Variants in ABTB3 observed in about 807,000 individuals in gnomAD.
ABTB3 encodes the protein ankyrin repeat- and BTB/POZ domain-containing protein 3.
the ABTB3 span, chr12:107,319,364 C>T: frequency 1.3e-6 from 2 of 1,567,486 alleles, no homozygotes. Context: ...GGCGCTGGTG[C>T]GCATAGCCAA....
At chr12:107,478,872 C>T in the ABTB3 span, among the ~76,000 whole-genome samples, 1 of 152,094 alleles carries the variant, frequency 6.6e-6, no homozygotes, top group African/African-American at 2.4e-5. Flanking sequence ...CCATTAGCTT[C>T]TGGGTTTGTC....
the ABTB3 span, among the ~76,000 whole-genome samples, chr12:107,644,419 C>T: frequency 6.6e-6 from 1 of 152,120 alleles, no homozygotes; most frequent in African/African-American, 2.4e-5. Flanking sequence ...TGCGGTCTCC[C>T]CCACCTTCTC....
chr12:107,340,544 T>C, the ABTB3 span, among the ~76,000 whole-genome samples: 1 of 152,184 alleles, frequency 6.6e-6, no homozygotes, highest in East Asian at 1.9e-4. Flanking sequence ...GATATTTGTG[T>C]TCAGAATCTG....
At chr12:107,510,788 G>T in the ABTB3 span, among the ~76,000 whole-genome samples, 2 of 152,106 alleles carry the variant, frequency 1.3e-5, no homozygotes, top group Non-Finnish European at 2.9e-5. Context: ...TGGATGTGGT[G>T]GTGTGCACCT....
At chr12:107,496,271 G>C in the ABTB3 span, among the ~76,000 whole-genome samples, 1 of 152,064 alleles carries the variant, frequency 6.6e-6, no homozygotes, top group Non-Finnish European at 1.5e-5. Flanking sequence ...ACTCCCACCA[G>C]GTGTGCATCC....
At chr12:107,583,466 G>C in the ABTB3 span, among the ~76,000 whole-genome samples, 2 of 152,220 alleles carry the variant, frequency 1.3e-5, no homozygotes, top group African/African-American at 4.8e-5. Flanking sequence ...GTAAGTGACA[G>C]AGTTGGGAGC....
chr12:107,412,538 T>G, the ABTB3 span, among the ~76,000 whole-genome samples: 1 of 152,088 alleles, frequency 6.6e-6, no homozygotes, highest in Non-Finnish European at 1.5e-5. Flanking sequence ...TAAGAGATCA[T>G]TTTATTATTT....
the ABTB3 span, among the ~76,000 whole-genome samples, chr12:107,580,058 G>A: frequency 1.3e-5 from 2 of 152,154 alleles, no homozygotes; most frequent in African/African-American, 4.8e-5. Context: ...AGTAGCATCC[G>A]TATCAGGAAC....
At chr12:107,411,145 CA>C in the ABTB3 span, among the ~76,000 whole-genome samples, 34 of 151,984 alleles carry the variant, frequency 2.2e-4, no homozygotes, top group East Asian at 6.6e-3. Context: ...ACTAAAAATA[CA>C]AAAAAAATCT....
chr12:107,483,683 C>A, the ABTB3 span, among the ~76,000 whole-genome samples: 1 of 152,072 alleles, frequency 6.6e-6, no homozygotes, highest in South Asian at 2.1e-4. Context: ...GTGGTCCATG[C>A]TGTTTATTTA....
chr12:107,472,819 G>T, the ABTB3 span, among the ~76,000 whole-genome samples: 1 of 152,178 alleles, frequency 6.6e-6, no homozygotes, highest in Non-Finnish European at 1.5e-5. Context: ...ACAGATTTAA[G>T]CATTGAGGGT....
At chr12:107,654,972 G>C in the ABTB3 span, among the ~76,000 whole-genome samples, 4 of 150,610 alleles carry the variant, frequency 2.7e-5, no homozygotes, top group Non-Finnish European at 5.9e-5. Flanking sequence ...CTCTCTCTCT[G>C]TACCAAGGCA....
chr12:107,590,110 C>T, the ABTB3 span, among the ~76,000 whole-genome samples: 6 of 152,122 alleles, frequency 3.9e-5, no homozygotes, highest in Non-Finnish European at 1.5e-5. Flanking sequence ...GACAGGGTTT[C>T]GCCATGTTGG....
the ABTB3 span, among the ~76,000 whole-genome samples, chr12:107,437,498 G>A: frequency 3.3e-5 from 5 of 151,938 alleles, no homozygotes; most frequent in African/African-American, 1.2e-4. Context: ...CTGGGTTCAA[G>A]AGATTCTCCT....
chr12:107,604,956 A>G, the ABTB3 span, among the ~76,000 whole-genome samples: 2 of 152,258 alleles, frequency 1.3e-5, no homozygotes, highest in Non-Finnish European at 2.9e-5. Context: ...AAATCCTGTC[A>G]TTTGTGACAA....
chr12:107,529,930 C>T, the ABTB3 span, among the ~76,000 whole-genome samples: 1 of 152,110 alleles, frequency 6.6e-6, no homozygotes, highest in Non-Finnish European at 1.5e-5. Context: ...CAGAATTAAA[C>T]ATGTAATGTG....
At chr12:107,319,574 T>C in the ABTB3 span, 5 of 1,540,532 alleles carry the variant, frequency 3.2e-6, no homozygotes, top group African/African-American at 4.1e-5. Flanking sequence ...CCTCACCTTC[T>C]CCGTGGGCCG....
chr12:107,338,049 G>C, the ABTB3 span, among the ~76,000 whole-genome samples: 1 of 152,142 alleles, frequency 6.6e-6, no homozygotes, highest in Non-Finnish European at 1.5e-5. Context: ...TTGTTGGAAA[G>C]ACCAGAACCA....
the ABTB3 span, among the ~76,000 whole-genome samples, chr12:107,599,411 C>T: frequency 2.0e-4 from 31 of 152,264 alleles, no homozygotes; most frequent in African/African-American, 6.3e-4. Context: ...GTGCTGTGTC[C>T]GCATGCATTT....
Sources: allele counts gnomAD v4.1 joint callset (sites outside exome capture counted in the v4.1 genomes callset), GRCh38; gene constraint gnomAD v4.1.1; transcripts MANE v1.5; gene names NCBI Gene and HGNC (gene_info 2026-07-23, HGNC 2026-07-21).